Variants in MN1 observed in about 807,000 individuals in gnomAD.
MN1 encodes transcriptional activator MN1.
MN1 carries 19 observed loss-of-function variants against 86.9 expected under a neutral mutation model. The observed-to-expected ratio is 0.22, with a 90% CI of 0.15 to 0.32. The LOEUF (loss-of-function observed/expected upper bound fraction) is 0.32, where lower values mean the gene tolerates loss of function less well. Ranked by LOEUF, MN1 falls within the 10% of genes least tolerant of loss-of-function variation. The pLI is 1.00. For synonymous variants in MN1, 928 were observed against 849.6 expected (o/e 1.09, Z -1.60); for missense variants, 1,841 against 1,862.0 (o/e 0.99, Z 0.21).
chr22:27,759,023 T>A (rs1173839065), intron 1 of MN1, among the ~76,000 whole-genome samples: 1 of 152,018 alleles, frequency 6.6e-6, no homozygotes, highest in Admixed American at 6.5e-5. Flanking sequence ...AGATGGGAGT[T>A]CACCATGTTG....
chr22:27,794,410 G>C (rs1171368473), intron 1 of MN1, among the ~76,000 whole-genome samples: 1 of 152,202 alleles, frequency 6.6e-6, no homozygotes, highest in African/African-American at 2.4e-5. Context: ...CCACAGAGTA[G>C]AAAACAAAGG....
intron 1 of MN1, among the ~76,000 whole-genome samples, chr22:27,763,365 T>C (rs1258567386): frequency 6.6e-6 from 1 of 152,106 alleles, no homozygotes; most frequent in Non-Finnish European, 1.5e-5. Flanking sequence ...CCCACATAAG[T>C]TCCCACGCAC....
At chr22:27,795,927 G>T (rs906243597) in intron 1 of MN1, among the ~76,000 whole-genome samples, 1 of 152,080 alleles carries the variant, frequency 6.6e-6, no homozygotes, top group Non-Finnish European at 1.5e-5. Flanking sequence ...GAATGCAAAC[G>T]AAAGCTGGGA....
At chr22:27,795,525 A>G (rs537901212) in intron 1 of MN1, among the ~76,000 whole-genome samples, 1 of 152,220 alleles carries the variant, frequency 6.6e-6, no homozygotes, top group South Asian at 2.1e-4. Flanking sequence ...GGGGGGGGAC[A>G]CATTTTCAAA....
chr22:27,774,701 C>T (rs1008514642), intron 1 of MN1, among the ~76,000 whole-genome samples: 11 of 152,188 alleles, frequency 7.2e-5, no homozygotes, highest in African/African-American at 2.7e-4. Context: ...GAACGGGTTT[C>T]GTGCCCGCAG....
rs1326452356 is a variant in MN1 at position 27,797,133 on chromosome 22, G to A, written c.3411C>T (p.Thr1137=). 6.3e-6 allele frequency: 10 copies of A among 1,578,922 alleles called. No homozygotes were observed. The highest frequency in any genetic ancestry group is 1.8e-5 in the Admixed American group (1 of 55,350). The change falls in exon 1 of 2, where the codon ACC becomes ACT. Residue 1137 remains threonine (T), a synonymous_variant. Transcript: ENST00000302326. ...GCGGGGCGCCGCTGCTGCTCGTCGG[G>A]GTGCGGACCTGCTCCAGGCCCGGAG... is the stretch of plus-strand genomic sequence containing the variant. ...PGTPGLEQVR[T]PTSSSGAPPP... is the part of the protein sequence containing the mutation.
Position 27,749,749 on chromosome 22 carries a change from T to C in MN1, c.*1166A>G, listed in dbSNP as rs1313054629. 1 of 231,400 alleles carries C rather than the reference T, an allele frequency of 4.3e-6. No individual in the cohort carries two copies. The highest frequency in any genetic ancestry group is 8.6e-6 in the Non-Finnish European group (1 of 116,916). The allele number at this position is 231,400 out of a possible 1,614,324, so 14.3% of individuals were successfully genotyped here. ...CCTCTAGCCCTCAGGAGTCTGCAGA[T>C]CCCTGCAAAGGCTCAGAGAAGGCTG... is the stretch of plus-strand genomic sequence containing the variant. On this transcript the variant is annotated 3_prime_UTR_variant, in exon 2 of 2. Transcript: ENST00000302326.
rs377232565 is a variant in MN1, at chr22:27,797,306, C to T, written c.3238G>A (p.Gly1080Ser). The stretch of plus-strand genomic sequence containing the variant: ...CCACGGGGAGGGAGTTTGGGCGAGC[C>T]GGTCACCAGGGGACTCCTGCTCGCT... ...VKASRSPLVT[G>S]SPKLPPRGVG... The change falls in exon 1 of 2, where the codon GGC becomes AGC. Residue 1080 changes from glycine to serine, a missense_variant. Gly to Ser is a moderately conservative substitution (Grantham distance 56, BLOSUM62 0). Coordinates refer to ENST00000302326, the MANE Select transcript of MN1 (RefSeq NM_002430.3). 1 of 1,600,084 alleles carries T rather than the reference C, an allele frequency of 6.2e-7. No individual in the cohort carries two copies. Among genetic ancestry groups the T allele is most frequent in the East Asian group, 2.2e-5 (1 of 44,838 alleles).
chr22:27,766,334 T>C (rs1180594596), intron 1 of MN1, among the ~76,000 whole-genome samples: 1 of 152,182 alleles, frequency 6.6e-6, no homozygotes, highest in Non-Finnish European at 1.5e-5. Flanking sequence ...TGGCTCTTCG[T>C]GCTCTCACTG....
chr22:27,753,946 CAG>C (rs768574729), intron 1 of MN1, among the ~76,000 whole-genome samples: 1 of 152,152 alleles, frequency 6.6e-6, no homozygotes, highest in East Asian at 1.9e-4. Flanking sequence ...GTACCTGCCA[CAG>C]AGAGAGAGAA....
chr22:27,763,408 G>A (rs542768682), intron 1 of MN1, among the ~76,000 whole-genome samples: 14 of 152,160 alleles, frequency 9.2e-5, no homozygotes, highest in Non-Finnish European at 2.1e-4. Flanking sequence ...TTTGCATAGG[G>A]GTCAGTTGTG....
intron 1 of MN1, among the ~76,000 whole-genome samples, chr22:27,785,363 C>T (rs1263613071): frequency 6.6e-6 from 1 of 152,214 alleles, no homozygotes; most frequent in Non-Finnish European, 1.5e-5. Flanking sequence ...GGGATGGGGC[C>T]GGCCGCTTCT....
chr22:27,757,685 C>T (rs1046956134), intron 1 of MN1, among the ~76,000 whole-genome samples: 4 of 152,040 alleles, frequency 2.6e-5, no homozygotes, highest in Non-Finnish European at 5.9e-5. Context: ...GGGGGCTGGG[C>T]GACTGGGCCT....
rs879808900 is a variant in MN1, at chr22:27,794,115, AT to A, written c.3781+2647del. ...AGGAAAAGCAGAACATTTTGCTATG[AT>A]TTTTTTTTCTGTCTCTATTTCGAAG... On this transcript the variant is annotated intron_variant, in intron 1 of 1. Transcript: ENST00000302326. Among the ~76,000 whole-genome samples, 12 of 151,258 alleles carry A rather than the reference AT, an allele frequency of 7.9e-5. No individual in the cohort carries two copies. In the East Asian group the frequency reaches 1.9e-3, roughly 25 times the overall value.
At chr22:27,767,880 A>G (rs995863266) in intron 1 of MN1, among the ~76,000 whole-genome samples, 2 of 152,178 alleles carry the variant, frequency 1.3e-5, no homozygotes, top group Non-Finnish European at 2.9e-5. Flanking sequence ...GCCAGGCACT[A>G]TTCTAAGCAT....
chr22:27,799,925 G>A lies in MN1; in HGVS notation c.619C>T (p.Pro207Ser). The A allele has an allele frequency of 3.1e-6, 5 of 1,602,840 alleles. No individual in the cohort carries two copies. The highest frequency in any genetic ancestry group is 1.1e-5 in the South Asian group (1 of 90,332). ...PNRAASFHGLPSSSGSDSHSL... is the reference protein window; with the variant it reads ...PNRAASFHGLSSSSGSDSHSL... ...TGGGAATCGGAGCCGCTGGAGGACG[G>A]CAGGCCGTGGAAGGAGGCGGCTCGG... Residue 207 changes from proline to serine, a missense_variant, in exon 1 of 2, where the codon CCG becomes TCG. Transcript: ENST00000302326.
intron 1 of MN1, among the ~76,000 whole-genome samples, chr22:27,792,169 C>G (rs1298627141): frequency 6.6e-6 from 1 of 151,868 alleles, no homozygotes; most frequent in Non-Finnish European, 1.5e-5. Context: ...TTAACTAACT[C>G]TCACTCCTTT....
intron 1 of MN1, among the ~76,000 whole-genome samples, chr22:27,772,852 CCAT>C (rs113365837): frequency 9.0e-4 from 133 of 147,244 alleles, no homozygotes; most frequent in African/African-American, 1.6e-3. Flanking sequence ...ATCACCATTG[CCAT>C]CATCATCATC....
intron 1 of MN1, among the ~76,000 whole-genome samples, chr22:27,774,230 G>A (rs760369772): frequency 2.6e-5 from 4 of 152,214 alleles, no homozygotes; most frequent in Admixed American, 6.5e-5. Context: ...CGTCGTGAAC[G>A]GGGATATTCC....
Sources: allele counts gnomAD v4.1 joint callset (sites outside exome capture counted in the v4.1 genomes callset), GRCh38; gene constraint gnomAD v4.1.1; transcripts MANE v1.5; gene names NCBI Gene and HGNC (gene_info 2026-07-23, HGNC 2026-07-21).